DNAH9: variants seen among roughly 807,000 people sequenced by gnomAD.
DNAH9 encodes DNAH9 variant protein.
DNAH9 carries 345 observed loss-of-function variants against 471.6 expected under a neutral mutation model. That is an observed-to-expected ratio of 0.73 (90% CI 0.67 to 0.80). DNAH9 has a LOEUF of 0.80. Ranked by LOEUF, DNAH9 falls within the 30% of genes least tolerant of loss-of-function variation. The pLI, the probability that DNAH9 is intolerant of heterozygous loss-of-function variation, is 0.00. For synonymous variants in DNAH9, 2,093 were observed against 2,123.6 expected (o/e 0.99, Z 0.40); for missense variants, 5,407 against 5,609.2 (o/e 0.96, Z 1.15).
intron 32 of DNAH9, among the ~76,000 whole-genome samples, chr17:11,749,000 T>C (rs1967024886): frequency 6.6e-6 from 1 of 152,112 alleles, no homozygotes; most frequent in African/African-American, 2.4e-5. Flanking sequence ...TTCCTTCTTA[T>C]TGATCTTAGT....
chr17:11,857,369 C>T lies in DNAH9; in HGVS notation c.9933+2941C>T, dbSNP rs536081162. Among the ~76,000 whole-genome samples the T allele has an allele frequency of 5.3e-5, 8 of 152,248 alleles. No homozygotes were observed. In the South Asian group the frequency reaches 8.3e-4, roughly 16 times the overall value. The stretch of plus-strand genomic sequence containing the variant: ...TCCATCCTCCACTTATACACATCCC[C>T]GTCAACATCCCAGGAATGTGGGCAC... On this transcript the variant is annotated intron_variant, in intron 50 of 68. Transcript: ENST00000262442.
intron 41 of DNAH9, among the ~76,000 whole-genome samples, chr17:11,788,134 A>G (rs900995852): frequency 5.3e-5 from 8 of 152,212 alleles, no homozygotes; most frequent in African/African-American, 1.9e-4. Flanking sequence ...CTATTTGGCT[A>G]TAACAAGATT....
intron 30 of DNAH9, among the ~76,000 whole-genome samples, chr17:11,742,950 T>A (rs2075453797): frequency 6.6e-6 from 1 of 152,198 alleles, no homozygotes; most frequent in Non-Finnish European, 1.5e-5. Context: ...CCTGTTTTCC[T>A]CATACTACTT....
At chr17:11,894,774 T>A (rs924757455) in intron 59 of DNAH9, among the ~76,000 whole-genome samples, 1 of 152,158 alleles carries the variant, frequency 6.6e-6, no homozygotes, top group African/African-American at 2.4e-5. Flanking sequence ...GAGCTGCTTT[T>A]CACCTACCAG....
At chr17:11,768,931 C>T (rs953852967) in intron 37 of DNAH9, among the ~76,000 whole-genome samples, 191 bp from the exon 38 acceptor site, 1 of 152,038 alleles carries the variant, frequency 6.6e-6, no homozygotes, top group Non-Finnish European at 1.5e-5. Flanking sequence ...TGCCTAACTG[C>T]GGGGAGCCCA....
Position 11,781,103 on chromosome 17 carries a change from G to A in DNAH9, c.7647G>A (p.Met2549Ile). The A allele has an allele frequency of 6.2e-7, 1 of 1,614,180 alleles. No homozygotes were observed. The highest frequency in any genetic ancestry group is 8.5e-7 in the Non-Finnish European group (1 of 1,180,040). The change falls in exon 39 of 69, where the codon ATG (methionine) becomes ATA (isoleucine). Residue 2549 changes from methionine (M) to isoleucine (I), a missense_variant. Met to Ile is a conservative substitution (Grantham distance 10). Transcript: ENST00000262442. The stretch of plus-strand genomic sequence containing the variant: ...TCTATTTCATTGATGACATGAACAT[G>A]CCTGAGGTGGATGCCTACGGGACGG... ...KLIYFIDDMN[M>I]PEVDAYGTVQ...
At position 11,760,118 on chromosome 17, in the gene DNAH9, G is replaced by A. The variant is rs187550214; in HGVS notation, c.6995+2426G>A. ...ATTATAGGTATAAGCCACTGTGCCC[G>A]CCTACACCACCTTTTAAATTCAATC... On this transcript the variant is annotated intron_variant, in intron 35 of 68. Coordinates refer to ENST00000262442, the MANE Select transcript of DNAH9 (RefSeq NM_001372.4). Among the ~76,000 whole-genome samples the A allele has an allele frequency of 3.2e-4, 48 of 152,272 alleles. No individual in the cohort carries two copies. The East Asian group carries it at 6.4e-3, about 20-fold the overall frequency.
intron 63 of DNAH9, 84 bp from the exon 64 acceptor site, chr17:11,931,930 C>A: frequency 6.8e-7 from 1 of 1,479,848 alleles, no homozygotes; most frequent in Non-Finnish European, 9.3e-7. Flanking sequence ...TTTTCCAACA[C>A]GAACCCTGAT....
At chr17:11,636,816 C>T in intron 9 of DNAH9, 32 bp downstream of exon 9, 2 of 1,598,858 alleles carry the variant, frequency 1.3e-6, no homozygotes, top group East Asian at 2.2e-5. Context: ...TTGATGGGGA[C>T]ATTCTGTTAC....
intron 38 of DNAH9, among the ~76,000 whole-genome samples, chr17:11,779,403 A>G (rs1168567785): frequency 6.6e-6 from 1 of 152,144 alleles, no homozygotes; most frequent in African/African-American, 2.4e-5. Context: ...TGTGACATGG[A>G]GCACAGCATG....
At chr17:11,762,770 G>GGT (rs1967746069) in intron 35 of DNAH9, among the ~76,000 whole-genome samples, 1 of 90,744 alleles carries the variant, frequency 1.1e-5, no homozygotes, top group African/African-American at 4.1e-5. Flanking sequence ...TTTTTTTTTT[G>GGT]TTTTTTTTTT....
intron 59 of DNAH9, among the ~76,000 whole-genome samples, chr17:11,897,695 T>C (rs1973262776): frequency 6.6e-6 from 1 of 152,224 alleles, no homozygotes; most frequent in African/African-American, 2.4e-5. Context: ...CTCTGACATG[T>C]TGTCTTATTC....
intron 26 of DNAH9, among the ~76,000 whole-genome samples, chr17:11,714,002 G>T (rs1212466884): frequency 3.9e-5 from 6 of 152,214 alleles, no homozygotes; most frequent in Admixed American, 3.9e-4. Flanking sequence ...CAAAGGAAAA[G>T]ATGAGCACTG....
chr17:11,734,959 G>A (rs1002090814), intron 28 of DNAH9, among the ~76,000 whole-genome samples: 1 of 152,144 alleles, frequency 6.6e-6, no homozygotes, highest in Non-Finnish European at 1.5e-5. Context: ...AAATTTCAGC[G>A]TGCATCAGAA....
At chr17:11,793,871 A>G (rs1969148051) in intron 42 of DNAH9, among the ~76,000 whole-genome samples, 1 of 151,994 alleles carries the variant, frequency 6.6e-6, no homozygotes, top group African/African-American at 2.4e-5. Flanking sequence ...GTGTTGAAGA[A>G]GTCCATAGAG....
chr17:11,965,891 T>G (rs574221476), intron 68 of DNAH9, among the ~76,000 whole-genome samples: 2 of 151,868 alleles, frequency 1.3e-5, no homozygotes, highest in African/African-American at 4.8e-5. Context: ...ATCAGCAAAT[T>G]TAGAATCAGA....
At chr17:11,644,528 AAGG>A (rs1475387422) in intron 10 of DNAH9, 100 bp from the exon 11 acceptor site, 1 of 815,490 alleles carries the variant, frequency 1.2e-6, no homozygotes, top group Non-Finnish European at 2.0e-6. Flanking sequence ...GAAACGAGCC[AAGG>A]AGCTATTCAC....
At chr17:11,726,017 C>T (rs1427717859) in intron 27 of DNAH9, among the ~76,000 whole-genome samples, 1 of 152,156 alleles carries the variant, frequency 6.6e-6, no homozygotes, top group African/African-American at 2.4e-5. Context: ...CTTTTTACAA[C>T]CATGACTTTA....
intron 63 of DNAH9, among the ~76,000 whole-genome samples, chr17:11,930,448 G>T (rs1974470381): frequency 6.6e-6 from 1 of 152,148 alleles, no homozygotes; most frequent in African/African-American, 2.4e-5. Flanking sequence ...CAGGCAGAGA[G>T]ATGATACTGT....
Sources: allele counts gnomAD v4.1 joint callset (sites outside exome capture counted in the v4.1 genomes callset), GRCh38; gene constraint gnomAD v4.1.1; transcripts MANE v1.5; gene names NCBI Gene and HGNC (gene_info 2026-07-23, HGNC 2026-07-21).